TRAF1: variants seen among roughly 807,000 people sequenced by gnomAD.
TRAF1 encodes the protein TNF receptor associated factor 1, also known as TNF receptor-associated factor 1.
A neutral mutation model predicts 40.9 loss-of-function variants in TRAF1; 23 were observed. That is an observed-to-expected ratio of 0.56 (90% confidence interval 0.40 to 0.80). TRAF1 has a LOEUF of 0.80. TRAF1 is among the 30% of genes least tolerant of loss of function. The pLI is 0.00. For missense variants in TRAF1, 477 were observed against 528.7 expected (o/e 0.90, Z 0.96); for synonymous variants, 206 against 218.8 (o/e 0.94, Z 0.52).
intron 2 of TRAF1, among the ~76,000 whole-genome samples, chr9:120,925,694 G>A (rs1465163088): frequency 6.6e-6 from 1 of 152,226 alleles, no homozygotes. Context: ...TCACAGCCTC[G>A]AGGCTCTCCT....
rs79080813 is a variant in TRAF1, at chr9:120,918,629, G to A, written c.229-4329C>T. 7.1e-4 allele frequency among the ~76,000 whole-genome samples: 108 copies of A among 152,300 alleles called. 1 individual carries two copies. Among genetic ancestry groups the A allele is most frequent in the African/African-American group, 2.6e-3 (106 of 41,568 alleles). On this transcript the variant is annotated intron_variant, in intron 3 of 7. Transcript: ENST00000373887. Reference sequence around the variant, plus strand: ...TCCCACTGGATTTCCTCAAGGTGGTGAGGAACATTCCTAAATGAACAGGAC... The same window carrying A: ...TCCCACTGGATTTCCTCAAGGTGGTAAGGAACATTCCTAAATGAACAGGAC...
chr9:120,924,397 G>A (rs1042371058), intron 2 of TRAF1, among the ~76,000 whole-genome samples: 2 of 151,998 alleles, frequency 1.3e-5, no homozygotes, highest in African/African-American at 4.8e-5. Flanking sequence ...GTACCCGTGG[G>A]TTTTTTGTCT....
At chr9:120,906,793 C>A (rs1383678061) in intron 7 of TRAF1, among the ~76,000 whole-genome samples, 1 of 152,176 alleles carries the variant, frequency 6.6e-6, no homozygotes, top group Non-Finnish European at 1.5e-5. Flanking sequence ...CCCAAAATCC[C>A]CTGTGCTCTA....
In TRAF1 at chr9:120,926,262, C is replaced by T. The variant is rs2046640278; in HGVS notation, c.-187G>A. The T allele has an allele frequency of 3.7e-6, 2 of 537,042 alleles. No individual in the cohort carries two copies. Among genetic ancestry groups the T allele is most frequent in the African/African-American group, 2.0e-5 (1 of 50,566 alleles). The allele number at this position is 537,042 out of a possible 1,614,324, so 33.3% of individuals were successfully genotyped here. A position where few individuals can be genotyped will look rare whatever the true frequency, so the allele number is the denominator to read the frequency against. On this transcript the variant is annotated 5_prime_UTR_variant, in exon 2 of 8. Coordinates refer to ENST00000373887, the MANE Select transcript of TRAF1 (RefSeq NM_005658.5). The stretch of plus-strand genomic sequence containing the variant: ...ACAGCAGGGATGGAGCAGGAATTAC[C>T]CTTTGTGGCGATAAAAATCCCCTGG...
chr9:120,918,671 G>T (rs965268741), intron 3 of TRAF1, among the ~76,000 whole-genome samples: 1 of 152,178 alleles, frequency 6.6e-6, no homozygotes, highest in East Asian at 1.9e-4. Flanking sequence ...ATGTTTGAAT[G>T]TTGTCCCATA....
intron 3 of TRAF1, chr9:120,914,593 G>A (rs759405451): frequency 1.6e-5 from 17 of 1,069,572 alleles, no homozygotes; most frequent in Middle Eastern, 4.1e-4. Context: ...TGGTTGCCCC[G>A]ACTGGTCGGG....
chr9:120,921,449 C>A (rs1407430078), intron 3 of TRAF1, among the ~76,000 whole-genome samples: 1 of 152,056 alleles, frequency 6.6e-6, no homozygotes, highest in African/African-American at 2.4e-5. Flanking sequence ...CTAAGATTTA[C>A]ACAATAAATG....
chr9:120,905,036 A>G lies in TRAF1; in HGVS notation c.1235T>C (p.Val412Ala), dbSNP rs749079539. 3 of 1,614,038 alleles carry G rather than the reference A, an allele frequency of 1.9e-6. No individual in the cohort carries two copies. Among genetic ancestry groups the G allele is most frequent in the Non-Finnish European group, 2.5e-6 (3 of 1,180,000 alleles). The part of the protein sequence containing the change: ...KDDTMFLKCI[V>A]ETST ...CCGCCCACCCTAAGTGCTGGTCTCCACAATGCACTTGAGGAACATTGTGTC... is the reference window on the plus strand; with the variant it reads ...CCGCCCACCCTAAGTGCTGGTCTCCGCAATGCACTTGAGGAACATTGTGTC... Residue 412 changes from valine to alanine, a missense_variant, in exon 8 of 8, where the codon GTG becomes GCG. Physicochemically the swap from Val to Ala is moderately conservative, Grantham distance 64. Coordinates refer to ENST00000373887, the MANE Select transcript of TRAF1 (RefSeq NM_005658.5).
intron 3 of TRAF1, 120 bp downstream of exon 3, chr9:120,923,585 C>A: frequency 1.1e-5 from 10 of 877,768 alleles, no homozygotes; most frequent in Non-Finnish European, 1.9e-5. Flanking sequence ...CAAATTCAGT[C>A]TGGACTCAGG....
chr9:120,925,423 A>G (rs1354674119), intron 2 of TRAF1, among the ~76,000 whole-genome samples: 8 of 152,202 alleles, frequency 5.3e-5, no homozygotes, highest in Non-Finnish European at 2.9e-5. Flanking sequence ...ATACACAAAT[A>G]TATATCGATC....
Position 120,923,769 on chromosome 9 carries a change from G to T in TRAF1, c.164C>A (p.Pro55His). 1 of 1,614,080 alleles carries T rather than the reference G, an allele frequency of 6.2e-7. No individual in the cohort carries two copies. Among genetic ancestry groups the T allele is most frequent in the South Asian group, 1.1e-5 (1 of 91,074 alleles). ...CTGGAGGTCTTCCCCTCTGCATTTG[G>T]GGCAGATCTGATCCTCGCCATTCCT... is the stretch of plus-strand genomic sequence containing the variant. ...NPRNGEDQIC[P>H]KCRGEDLQSI... Residue 55 changes from proline (P) to histidine (H), a missense_variant, in exon 3 of 8, where the codon CCC becomes CAC. By Grantham distance (77) the Pro-to-His change is moderately conservative. Coordinates refer to ENST00000373887, the MANE Select transcript of TRAF1 (RefSeq NM_005658.5).
chr9:120,913,579 C>T lies in TRAF1; in HGVS notation c.454G>A (p.Ala152Thr). 1 of 1,613,996 alleles carries T rather than the reference C, an allele frequency of 6.2e-7. No homozygotes were observed. The highest frequency in any genetic ancestry group is 8.5e-7 in the Non-Finnish European group (1 of 1,179,996). ...AGGTCCCCCGCCACTTCCACGGCTG[C>T]CTGCAGCTGCAGGTCTGACAGGTTC... ...EQNLSDLQLQ[A>T]AVEVAGDLEV... Residue 152 changes from alanine to threonine, a missense_variant, in exon 5 of 8, where the codon GCA (alanine) becomes ACA (threonine). By Grantham distance (58) the Ala-to-Thr change is moderately conservative (BLOSUM62 0). Transcript: ENST00000373887.
rs117423448 is a variant in TRAF1, at chr9:120,910,211, G to A, written c.884-833C>T. On this transcript the variant is annotated intron_variant, in intron 6 of 7. Transcript: ENST00000373887. ...GACTCATCTTTGCCCATTACGTTTT[G>A]GTAGAACAGGAAGCACGAGGTACTG... 5.9e-3 allele frequency among the ~76,000 whole-genome samples: 899 copies of A among 152,208 alleles called. 3 individuals are homozygous for A. The highest frequency in any genetic ancestry group is 0.011 in the Non-Finnish European group (717 of 68,004).
At position 120,903,450 on chromosome 9, in the gene TRAF1, C is replaced by G. The variant is rs2046454948; in HGVS notation, c.*1570G>C. The G allele has an allele frequency of 6.6e-6, 1 of 152,364 alleles. No individual in the cohort carries two copies. The highest frequency in any genetic ancestry group is 2.1e-4 in the South Asian group (1 of 4,834). 9.4% of individuals were successfully genotyped at this position (152,364 alleles called of 1,614,324 possible). A position where few individuals can be genotyped will look rare whatever the true frequency, so the allele number is the denominator to read the frequency against. On this transcript the variant is annotated 3_prime_UTR_variant, in exon 8 of 8. Coordinates refer to ENST00000373887, the MANE Select transcript of TRAF1 (RefSeq NM_005658.5). The stretch of plus-strand genomic sequence containing the variant: ...ACTGCCGTGCCACGATGCTCCGTCA[C>G]CTCCTTTGATCCTCCTGTATGCTGG...
rs2046644234 is a variant in TRAF1 at position 120,926,790 on chromosome 9, T to A, written c.-467A>T. 1 of 152,062 alleles carries A rather than the reference T, an allele frequency of 6.6e-6. No homozygotes were observed. Among genetic ancestry groups the A allele is most frequent in the African/African-American group, 2.4e-5 (1 of 41,358 alleles). 9.4% of individuals were successfully genotyped at this position (152,062 alleles called of 1,614,324 possible). A position where few individuals can be genotyped will look rare whatever the true frequency, so the allele number is the denominator to read the frequency against. ...ACCAGAAGGAGCAGGAAAGCCCTGA[T>A]GAAATCCAAGGCCTAGGACCACAGA... On this transcript the variant is annotated 5_prime_UTR_variant, in exon 1 of 8. Coordinates refer to ENST00000373887, the MANE Select transcript of TRAF1 (RefSeq NM_005658.5).
chr9:120,911,307 C>A (rs2046524413), intron 6 of TRAF1, 29 bp downstream of exon 6: 6 of 1,604,358 alleles, frequency 3.7e-6, no homozygotes, highest in Non-Finnish European at 5.1e-6. Context: ...TTTCCCCAGG[C>A]AGGTCTCTGT....
intron 5 of TRAF1, among the ~76,000 whole-genome samples, chr9:120,912,435 T>C (rs1444541400): frequency 6.6e-6 from 1 of 152,086 alleles, no homozygotes; most frequent in Non-Finnish European, 1.5e-5. Context: ...GGCAGGTGGA[T>C]CACGAGGTCA....
At chr9:120,922,792 T>C (rs1356300174) in intron 3 of TRAF1, among the ~76,000 whole-genome samples, 1 of 152,194 alleles carries the variant, frequency 6.6e-6, no homozygotes, top group East Asian at 1.9e-4. Flanking sequence ...TATGAAGTCT[T>C]TGTTGCAAGT....
intron 7 of TRAF1, among the ~76,000 whole-genome samples, chr9:120,907,829 C>T (rs117532112): frequency 0.025 from 3,760 of 151,728 alleles, 64 homozygotes; most frequent in Middle Eastern, 0.048. Context: ...TTCATTCCAT[C>T]CCTCCCTCCC....
Sources: allele counts gnomAD v4.1 joint callset (sites outside exome capture counted in the v4.1 genomes callset), GRCh38; gene constraint gnomAD v4.1.1; transcripts MANE v1.5; gene names NCBI Gene and HGNC (gene_info 2026-07-23, HGNC 2026-07-21).